Variants in CACNG3 observed in about 807,000 individuals in gnomAD.
CACNG3 encodes the protein calcium voltage-gated channel auxiliary subunit gamma 3.
Under a neutral mutation model 28.5 loss-of-function variants are expected in CACNG3, and 3 were observed. That is an observed-to-expected ratio of 0.11 (90% CI 0.05 to 0.27). The LOEUF (loss-of-function observed/expected upper bound fraction) is 0.27. Among genes scored for constraint, CACNG3 ranks in the 10% least tolerant of loss-of-function variants. The pLI, the probability that CACNG3 is intolerant of heterozygous loss-of-function variation, is 1.00. For missense variants in CACNG3, 236 were observed against 414.4 expected (o/e 0.57, Z 3.74); for synonymous variants, 174 against 162.2 (o/e 1.07, Z -0.55).
chr16:24,346,301 T>C (rs1183294162), intron 1 of CACNG3, among the ~76,000 whole-genome samples: 1 of 152,090 alleles, frequency 6.6e-6, no homozygotes, highest in East Asian at 1.9e-4. Context: ...ACTGATCCCG[T>C]TGGCTCATGC....
rs143086648 is a variant in CACNG3 at position 24,263,754 on chromosome 16, G to A, written c.211+6789G>A. 2.7e-3 allele frequency among the ~76,000 whole-genome samples: 411 copies of A among 152,292 alleles called. 2 individuals carry two copies. Among genetic ancestry groups the A allele is most frequent in the African/African-American group, 9.5e-3 (396 of 41,560 alleles). The stretch of plus-strand genomic sequence containing the variant: ...CAACTGTTTCTGTTTTAATTCTTGT[G>A]TTTCCTTCATTTCTTCTTACCTCTA... On this transcript the variant is annotated intron_variant, in intron 1 of 3. Transcript: ENST00000005284.
intron 1 of CACNG3, among the ~76,000 whole-genome samples, chr16:24,260,852 C>T (rs1477765366): frequency 6.6e-6 from 1 of 152,210 alleles, no homozygotes; most frequent in African/African-American, 2.4e-5. Context: ...GGGAGGCATT[C>T]ACAAAGTAGA....
At chr16:24,345,270 T>C (rs1899846298) in intron 1 of CACNG3, among the ~76,000 whole-genome samples, 1 of 152,190 alleles carries the variant, frequency 6.6e-6, no homozygotes, top group African/African-American at 2.4e-5. Context: ...CCACTCCAGC[T>C]ACACAGACAG....
intron 1 of CACNG3, among the ~76,000 whole-genome samples, chr16:24,326,484 C>T (rs1334318361): frequency 6.6e-6 from 1 of 152,174 alleles, no homozygotes; most frequent in African/African-American, 2.4e-5. Context: ...ATTTTTCTTT[C>T]TCAACATTTC....
intron 1 of CACNG3, among the ~76,000 whole-genome samples, chr16:24,302,544 T>C (rs902014624): frequency 5.9e-5 from 9 of 152,166 alleles, no homozygotes; most frequent in African/African-American, 1.9e-4. Flanking sequence ...AGCCTTGAAC[T>C]CCTGGGCTCA....
At position 24,361,629 on chromosome 16, in the gene CACNG3, C is replaced by T. The variant is rs920972250; in HGVS notation, c.714C>T (p.Arg238=). The change falls in exon 4 of 4, where the codon CGC becomes CGT. Residue 238 remains arginine, a synonymous_variant. Transcript: ENST00000005284. The surrounding 1 kb of genome is among the most constrained non-coding windows in gnomAD (Gnocchi z 6.8). ...GATTCCGGAGGCGGTCAAGTTCTCG[C>T]TCCACCGAGCCCAGATCCCGAGACC... ...RYRFRRRSSS[R]STEPRSRDLS... The T allele has an allele frequency of 2.5e-6, 4 of 1,613,694 alleles. No homozygotes were observed. In the East Asian group the frequency reaches 6.7e-5, roughly 27 times the overall value.
chr16:24,279,772 G>A (rs1333274864), intron 1 of CACNG3, among the ~76,000 whole-genome samples: 1 of 152,184 alleles, frequency 6.6e-6, no homozygotes, highest in African/African-American at 2.4e-5. Context: ...GAGAGAATGA[G>A]CTCAAGGCAC....
intron 1 of CACNG3, among the ~76,000 whole-genome samples, chr16:24,295,371 G>A (rs1405389178): frequency 6.6e-6 from 1 of 152,122 alleles, no homozygotes; most frequent in African/African-American, 2.4e-5. Flanking sequence ...TGCTACTCCT[G>A]GTGCTGATGG....
chr16:24,306,916 G>A (rs982929076), intron 1 of CACNG3, among the ~76,000 whole-genome samples: 2 of 152,120 alleles, frequency 1.3e-5, no homozygotes, highest in African/African-American at 2.4e-5. Flanking sequence ...GACACGGAGG[G>A]CAGGTGTGGT....
intron 1 of CACNG3, among the ~76,000 whole-genome samples, chr16:24,284,680 A>G (rs1001089785): frequency 6.6e-6 from 1 of 152,122 alleles, no homozygotes; most frequent in Non-Finnish European, 1.5e-5. Flanking sequence ...AAGGCAGCCA[A>G]CCAAATGCCA....
At chr16:24,310,675 G>C (rs1413285896) in intron 1 of CACNG3, among the ~76,000 whole-genome samples, 1 of 152,170 alleles carries the variant, frequency 6.6e-6, no homozygotes. Flanking sequence ...TGTGAGATAG[G>C]TATTGTTGTT....
intron 1 of CACNG3, among the ~76,000 whole-genome samples, chr16:24,284,432 A>G (rs150672046): frequency 0.012 from 1,782 of 152,268 alleles, 9 homozygotes; most frequent in Non-Finnish European, 0.019. Flanking sequence ...ATAGAAATGT[A>G]AAAATGTTTT....
At chr16:24,334,559 G>A (rs986376642) in intron 1 of CACNG3, among the ~76,000 whole-genome samples, 2 of 152,186 alleles carry the variant, frequency 1.3e-5, no homozygotes, top group East Asian at 1.9e-4. Context: ...ACTGGAGGGG[G>A]GACATCCTGG....
chr16:24,258,601 G>A (rs756091407), intron 1 of CACNG3, among the ~76,000 whole-genome samples: 1 of 152,180 alleles, frequency 6.6e-6, no homozygotes, highest in Non-Finnish European at 1.5e-5. Flanking sequence ...ATATTTGTGA[G>A]CATTTGTGAT....
chr16:24,272,475 T>C (rs1044260859), intron 1 of CACNG3, among the ~76,000 whole-genome samples: 7 of 152,148 alleles, frequency 4.6e-5, no homozygotes, highest in African/African-American at 1.7e-4. Flanking sequence ...TTAACAATTA[T>C]CTTACAATTT....
At chr16:24,315,910 T>A (rs910466527) in intron 1 of CACNG3, among the ~76,000 whole-genome samples, 5 of 152,150 alleles carry the variant, frequency 3.3e-5, no homozygotes, top group African/African-American at 1.2e-4. Context: ...CTGCCTGCCT[T>A]GGCCTCCCAA....
intron 1 of CACNG3, among the ~76,000 whole-genome samples, chr16:24,271,031 G>A (rs1033021557): frequency 2.0e-5 from 3 of 152,182 alleles, no homozygotes; most frequent in African/African-American, 7.2e-5. Flanking sequence ...TTAGGATAGT[G>A]CAGGCCGGGT....
At chr16:24,342,178 G>A (rs1899800148) in intron 1 of CACNG3, among the ~76,000 whole-genome samples, 1 of 152,138 alleles carries the variant, frequency 6.6e-6, no homozygotes, top group South Asian at 2.1e-4. Context: ...TGAGGCAGGA[G>A]AATCACTTGA....
intron 1 of CACNG3, among the ~76,000 whole-genome samples, chr16:24,288,000 A>G (rs1284853690): frequency 1.3e-5 from 2 of 152,224 alleles, no homozygotes; most frequent in African/African-American, 4.8e-5. Context: ...AGACCTGAAA[A>G]GGGAAGAAAG....
Sources: gnomAD v4.1 joint callset for allele counts (sites outside exome capture counted in the v4.1 genomes callset) on GRCh38, gnomAD v4.1.1 for gene constraint, Gnocchi (gnomAD v3.1) non-coding constraint, MANE v1.5 for transcripts, NCBI Gene and HGNC (gene_info 2026-07-23, HGNC 2026-07-21) for gene names.